Variants in SKA2 observed in about 807,000 individuals in gnomAD.
SKA2 encodes the protein spindle and kinetochore associated complex subunit 2.
In SKA2, 13 loss-of-function variants were observed where a neutral mutation model predicts 16.9. The observed-to-expected ratio is 0.77, with a 90% CI of 0.50 to 1.22. The LOEUF (loss-of-function observed/expected upper bound fraction) is 1.22. Ranked by LOEUF, SKA2 falls within the 50% of genes most tolerant of loss-of-function variation. SKA2 has a pLI of 0.00. For synonymous variants in SKA2, 47 were observed against 48.5 expected, an observed-to-expected ratio of 0.97 and a Z score of 0.13; for missense variants, 107 against 139.7, an observed-to-expected ratio of 0.77 and a Z score of 1.18.
At chr17:59,131,210 ATGC>A in intron 2 of SKA2, 68 bp downstream of exon 2, 1 of 963,102 alleles carries the variant, frequency 1.0e-6, no homozygotes, top group Non-Finnish European at 1.6e-6. Context: ...ACTATTAGGA[ATGC>A]TATCAGAAAA....
At chr17:59,141,689 A>C (rs147775353) in intron 1 of SKA2, among the ~76,000 whole-genome samples, 55 of 147,988 alleles carry the variant, frequency 3.7e-4, no homozygotes, top group African/African-American at 1.3e-3. Flanking sequence ...ACATCACTGC[A>C]CTCCAACCTG....
chr17:59,117,715 G>A (rs2046306365), intron 3 of SKA2, among the ~76,000 whole-genome samples: 1 of 151,608 alleles, frequency 6.6e-6, no homozygotes, highest in African/African-American at 2.4e-5. Context: ...ATGAGCCACT[G>A]TGCCCAGCAT....
At chr17:59,120,674 C>T (rs1317389864) in intron 2 of SKA2, among the ~76,000 whole-genome samples, 2 of 152,158 alleles carry the variant, frequency 1.3e-5, no homozygotes, top group East Asian at 3.8e-4. Context: ...TATTCTGAAA[C>T]TTCCAGGTGA....
chr17:59,113,782 C>T (rs373506399), intron 3 of SKA2, among the ~76,000 whole-genome samples: 5 of 150,918 alleles, frequency 3.3e-5, no homozygotes, highest in East Asian at 1.9e-4. Context: ...GCCAAGATTA[C>T]GCCATTGCAC....
chr17:59,121,137 G>C lies in SKA2; in HGVS notation c.121-1642C>G, dbSNP rs181161072. On this transcript the variant is annotated intron_variant, in intron 2 of 3. Transcript: ENST00000330137. ...ACTGCACTCCAGCCTGGGCGACTGA[G>C]GGAGACTCCGTCTCAAAAAAAAAAA... Among the ~76,000 whole-genome samples, 918 of 148,402 alleles carry C rather than the reference G, an allele frequency of 6.2e-3. 6 individuals carry two copies. The highest frequency in any genetic ancestry group is 0.021 in the African/African-American group (860 of 40,114).
chr17:59,139,238 A>G (rs1354000155), intron 1 of SKA2, among the ~76,000 whole-genome samples: 1 of 152,014 alleles, frequency 6.6e-6, no homozygotes, highest in African/African-American at 2.4e-5. Flanking sequence ...TCTACTAAAA[A>G]TTCAAAAAAT....
chr17:59,150,375 T>A (rs190524075), intron 1 of SKA2, among the ~76,000 whole-genome samples: 32 of 152,302 alleles, frequency 2.1e-4, no homozygotes, highest in Non-Finnish European at 4.0e-4. Context: ...AAGAATAAAC[T>A]GTAAAACAAA....
chr17:59,134,300 TC>T (rs1199783001), intron 1 of SKA2, among the ~76,000 whole-genome samples: 4 of 152,136 alleles, frequency 2.6e-5, no homozygotes. Flanking sequence ...AGACCACAAT[TC>T]CATAGCTTTT....
chr17:59,150,354 T>C (rs2046567754), intron 1 of SKA2, among the ~76,000 whole-genome samples: 1 of 152,222 alleles, frequency 6.6e-6, no homozygotes, highest in Non-Finnish European at 1.5e-5. Flanking sequence ...ATCCACACTA[T>C]TGTATCTCAT....
chr17:59,122,682 C>G (rs796307845), intron 2 of SKA2, among the ~76,000 whole-genome samples: 10 of 152,002 alleles, frequency 6.6e-5, no homozygotes, highest in Admixed American at 2.0e-4. Flanking sequence ...GCTAGCTACT[C>G]GGGCGGCTAA....
intron 1 of SKA2, among the ~76,000 whole-genome samples, chr17:59,136,091 G>A (rs1371404126): frequency 1.3e-5 from 2 of 151,790 alleles, no homozygotes; most frequent in African/African-American, 4.8e-5. Context: ...AAAAAAAACA[G>A]CTTGTGGGTA....
At chr17:59,136,763 C>T (rs1452937405) in intron 1 of SKA2, among the ~76,000 whole-genome samples, 4 of 151,954 alleles carry the variant, frequency 2.6e-5, no homozygotes, top group South Asian at 2.1e-4. Context: ...TGGCCAGGCT[C>T]GTCTTGATCT....
At chr17:59,154,879 C>G in intron 1 of SKA2, 1 of 1,509,436 alleles carries the variant, frequency 6.6e-7, no homozygotes, top group Non-Finnish European at 9.1e-7. Flanking sequence ...GGGCAAGGAA[C>G]AAGGAATTCC....
intron 1 of SKA2, among the ~76,000 whole-genome samples, chr17:59,139,787 C>T (rs546496769): frequency 8.8e-4 from 134 of 152,204 alleles, no homozygotes; most frequent in African/African-American, 3.0e-3. Context: ...ATGGTAATGT[C>T]GCCACATGGT....
At chr17:59,152,936 C>T (rs954341371) in intron 1 of SKA2, among the ~76,000 whole-genome samples, 3 of 151,234 alleles carry the variant, frequency 2.0e-5, no homozygotes, top group Admixed American at 1.3e-4. Flanking sequence ...TTTTTCCTGT[C>T]TTCAAAAAGA....
At chr17:59,131,401 C>G (rs150316606) in intron 1 of SKA2, 34 bp from the exon 2 acceptor site, 1 of 1,374,830 alleles carries the variant, frequency 7.3e-7, no homozygotes, top group African/African-American at 1.4e-5. Flanking sequence ...TTGTGTAAAC[C>G]AAAAGACTAA....
intron 1 of SKA2, among the ~76,000 whole-genome samples, chr17:59,145,915 G>C (rs761207921): frequency 6.6e-6 from 1 of 151,382 alleles, no homozygotes; most frequent in Non-Finnish European, 1.5e-5. Context: ...ACTTGGGCCC[G>C]AGAGGTCAAG....
intron 2 of SKA2, among the ~76,000 whole-genome samples, chr17:59,126,819 T>C (rs974879016): frequency 1.6e-4 from 25 of 152,188 alleles, no homozygotes; most frequent in African/African-American, 5.8e-4. Flanking sequence ...CATACCAGTG[T>C]TCATAGTAGC....
chr17:59,115,947 A>G (rs1271609130), intron 3 of SKA2, among the ~76,000 whole-genome samples: 1 of 152,078 alleles, frequency 6.6e-6, no homozygotes, highest in Non-Finnish European at 1.5e-5. Context: ...TCTACTTTTA[A>G]TGCCTTTTTA....
Sources: gnomAD v4.1 joint callset for allele counts (sites outside exome capture counted in the v4.1 genomes callset) on GRCh38, gnomAD v4.1.1 for gene constraint, MANE v1.5 for transcripts, NCBI Gene and HGNC (gene_info 2026-07-23, HGNC 2026-07-21) for gene names.